The following TLR1 variants were observed in gnomAD, a reference collection of about 807,000 sequenced individuals.
TLR1 encodes the protein toll-like receptor 1.
Under a neutral mutation model 20.2 loss-of-function variants are expected in TLR1, and 19 were observed. That is an observed-to-expected ratio of 0.94 (90% CI 0.66 to 1.38). TLR1 has a LOEUF of 1.38. Ranked by LOEUF, TLR1 falls within the 40% of genes most tolerant of loss-of-function variation. TLR1 has a pLI of 0.00. For synonymous variants in TLR1, 320 were observed against 334.5 expected (o/e 0.96, Z 0.47); for missense variants, 921 against 910.0 (o/e 1.01, Z -0.16).
chr4:38,795,310 G>C (rs957070015), downstream of TLR1, among the ~76,000 whole-genome samples: 1 of 152,164 alleles, frequency 6.6e-6, no homozygotes, highest in Non-Finnish European at 1.5e-5. Context: ...GTTATGACAA[G>C]GTTTTTGTCA....
chr4:38,796,393 A>G lies in TLR1; in HGVS notation c.*78T>C. ...CACAATTGTGTTTACATCTATGCTG[A>G]TGCAAAATAAAGTCATTGTTGGAAC... On this transcript the variant is annotated 3_prime_UTR_variant, in exon 4 of 4. Coordinates refer to ENST00000308979, the MANE Select transcript of TLR1 (RefSeq NM_003263.4). 2 of 1,502,540 alleles carry G rather than the reference A, an allele frequency of 1.3e-6. No individual in the cohort carries two copies. Among genetic ancestry groups the G allele is most frequent in the Non-Finnish European group, 1.8e-6 (2 of 1,106,366 alleles). 93.1% of individuals were successfully genotyped at this position (1,502,540 alleles called of 1,614,324 possible). A position where few individuals can be genotyped will look rare whatever the true frequency, so the allele number is the denominator to read the frequency against.
At chr4:38,801,416 A>T (rs1360105725) in intron 2 of TLR1, among the ~76,000 whole-genome samples, 1 of 152,202 alleles carries the variant, frequency 6.6e-6, no homozygotes, top group African/African-American at 2.4e-5. Flanking sequence ...GTTGTTTATA[A>T]GTCACCCATT....
At chr4:38,789,805 T>G (rs574768374), downstream of TLR1, among the ~76,000 whole-genome samples, 1 of 152,318 alleles carries the variant, frequency 6.6e-6, no homozygotes, top group South Asian at 2.1e-4. Context: ...TGGCAGAGAT[T>G]TATATATGAA....
rs151036585 is a variant in TLR1 at position 38,797,019 on chromosome 4, C to T, written c.1813G>A (p.Asp605Asn). Residue 605 changes from aspartate (D) to asparagine (N), a missense_variant, in exon 4 of 4, where the codon GAT (aspartate) becomes AAT (asparagine). Coordinates refer to ENST00000308979, the MANE Select transcript of TLR1 (RefSeq NM_003263.4). ...VTVTSLCSYL[D>N]LPWYLRMVCQ... Reference sequence around the variant, plus strand: ...ACCATCCTGAGATACCAGGGCAGATCCAAGTAGCTGCAGAGGGAGGTCACA... The same window carrying T: ...ACCATCCTGAGATACCAGGGCAGATTCAAGTAGCTGCAGAGGGAGGTCACA... 3.7e-6 allele frequency: 6 copies of T among 1,614,036 alleles called. No homozygotes were observed. In the African/African-American group the frequency reaches 8.0e-5, roughly 22 times the overall value.
downstream of TLR1, among the ~76,000 whole-genome samples, chr4:38,791,806 C>A (rs762825722): frequency 2.0e-5 from 3 of 152,226 alleles, no homozygotes; most frequent in Non-Finnish European, 4.4e-5. Context: ...TATTAACTCA[C>A]TTAATCCTCG....
rs370650514 is a variant in TLR1 at position 38,797,592 on chromosome 4, C to A, written c.1240G>T (p.Glu414Ter). Reference protein sequence around the residue: ...DISQNSVSYDEKKGDCSWTKS... With the variant: ...DISQNSVSYD Reference sequence around the variant, plus strand: ...GTCCAAGAACAGTCTCCTTTCTTTTCATCATAGCTTACAGAATTCTGGCTA... The same window carrying A: ...GTCCAAGAACAGTCTCCTTTCTTTTAATCATAGCTTACAGAATTCTGGCTA... The change falls in exon 4 of 4, where the codon GAA (glutamate) becomes TAA (stop). Residue 414 changes from glutamate to a stop codon, truncating the protein, a stop_gained. Coordinates refer to ENST00000308979, the MANE Select transcript of TLR1 (RefSeq NM_003263.4). LOFTEE classifies it high-confidence loss of function. 6.2e-7 allele frequency: 1 copy of A among 1,613,620 alleles called. No homozygotes were observed. The highest frequency in any genetic ancestry group is 1.3e-5 in the African/African-American group (1 of 74,886).
In TLR1 at chr4:38,798,031, C is replaced by G. The variant is rs374742061; in HGVS notation, c.801G>C (p.Leu267=). 1 of 1,614,096 alleles carries G rather than the reference C, an allele frequency of 6.2e-7. No homozygotes were observed. The highest frequency in any genetic ancestry group is 1.7e-5 in the Admixed American group (1 of 59,996). The change falls in exon 4 of 4, where the codon CTG becomes CTC. Residue 267 remains leucine (L), a synonymous_variant. Transcript: ENST00000308979. ...TWNSFIRILQ[L]VWHTTVWYFS... is the part of the protein sequence containing the mutation. ...AATACCATACAGTTGTATGCCAAAC[C>G]AGCTGGAGGATCCTAATGAAAGAAT...
At chr4:38,800,113 A>G (rs1726533749) in intron 3 of TLR1, among the ~76,000 whole-genome samples, 1 of 152,208 alleles carries the variant, frequency 6.6e-6, no homozygotes, top group African/African-American at 2.4e-5. Context: ...TAGAAATCAA[A>G]ATGAAGTGAA....
In TLR1 at chr4:38,798,158, A is replaced by G. The variant is rs764644369; in HGVS notation, c.674T>C (p.Leu225Pro). The change falls in exon 4 of 4, where the codon CTA becomes CCA. Residue 225 changes from leucine to proline, a missense_variant. Transcript: ENST00000308979. ...GAAGTAAGAACATTTGTTATCTTCTAGCACACATTTGATATTAGATAGTTC... is the reference window on the plus strand; with the variant it reads ...GAAGTAAGAACATTTGTTATCTTCTGGCACACATTTGATATTAGATAGTTC... ...NLELSNIKCV[L>P]EDNKCSYFLS... 6.2e-7 allele frequency: 1 copy of G among 1,614,080 alleles called. No homozygotes were observed. The highest frequency in any genetic ancestry group is 2.2e-5 in the East Asian group (1 of 44,882).
At position 38,797,599 on chromosome 4, in the gene TLR1, G is replaced by A. The variant is rs753749282; in HGVS notation, c.1233C>T (p.Ser411=). ...QQLDISQNSV[S]YDEKKGDCSW... ...AACAGTCTCCTTTCTTTTCATCATA[G>A]CTTACAGAATTCTGGCTAATATCCA... is the stretch of plus-strand genomic sequence containing the variant. Residue 411 remains serine, a synonymous_variant, in exon 4 of 4, where the codon AGC becomes AGT. Transcript: ENST00000308979. The A allele has an allele frequency of 5.0e-6, 8 of 1,613,700 alleles. No homozygotes were observed. The Admixed American group carries it at 1.3e-4, about 27-fold the overall frequency.
chr4:38,803,641 A>G (rs1726828292), intron 2 of TLR1, among the ~76,000 whole-genome samples: 1 of 152,228 alleles, frequency 6.6e-6, no homozygotes, highest in Admixed American at 6.5e-5. Context: ...TTTGAATTTT[A>G]TATACCAAAC....
downstream of TLR1, among the ~76,000 whole-genome samples, chr4:38,793,242 G>A (rs992143408): frequency 2.6e-5 from 4 of 152,118 alleles, no homozygotes; most frequent in African/African-American, 9.7e-5. Context: ...TGTGAAAACT[G>A]TAGTTTGGGA....
At chr4:38,801,333 C>A (rs1268815496) in intron 2 of TLR1, among the ~76,000 whole-genome samples, 1 of 152,204 alleles carries the variant, frequency 6.6e-6, no homozygotes, top group Non-Finnish European at 1.5e-5. Context: ...CAGAAGAGGG[C>A]CTTCGCCAGA....
chr4:38,803,388 GT>G (rs1423998737), intron 2 of TLR1, among the ~76,000 whole-genome samples: 1 of 152,212 alleles, frequency 6.6e-6, no homozygotes, highest in African/African-American at 2.4e-5. Flanking sequence ...CAAGAATTAA[GT>G]TTCTACGACC....
chr4:38,802,047 A>G (rs1004417986), intron 2 of TLR1, among the ~76,000 whole-genome samples: 3 of 152,142 alleles, frequency 2.0e-5, no homozygotes, highest in African/African-American at 7.2e-5. Flanking sequence ...AAATACAAAA[A>G]TTAGCCGGGC....
downstream of TLR1, among the ~76,000 whole-genome samples, chr4:38,789,986 T>C (rs1037607031): frequency 6.6e-6 from 1 of 152,216 alleles, no homozygotes; most frequent in Non-Finnish European, 1.5e-5. Context: ...TTTTCAATGC[T>C]TCTATGATAA....
At position 38,798,307 on chromosome 4, in the gene TLR1, ATAAGTCTCTCC is replaced by A; in HGVS notation, c.514_524del (p.Gly172TrpfsTer7). ...GGCCCTCAGGGTCTTCTTTTTCCCCATAAGTCTCTCCTAAGACCAGCAAGACCTTGCTGATA... is the reference window on the plus strand; with the variant it reads ...GGCCCTCAGGGTCTTCTTTTTCCCCATAAGACCAGCAAGACCTTGCTGATA... On this transcript the variant is annotated frameshift_variant, in exon 4 of 4. Transcript: ENST00000308979. LOFTEE classifies it low-confidence loss of function (END_TRUNC). 1 of 1,613,364 alleles carries A rather than the reference ATAAGTCTCTCC, an allele frequency of 6.2e-7. No homozygotes were observed. Among genetic ancestry groups the A allele is most frequent in the South Asian group, 1.1e-5 (1 of 90,994 alleles).
At chr4:38,788,841 TA>T (rs1416161775), downstream of TLR1, among the ~76,000 whole-genome samples, 2 of 152,018 alleles carry the variant, frequency 1.3e-5, no homozygotes, top group Non-Finnish European at 2.9e-5. Context: ...ACCCCGTCTC[TA>T]CAAAAAAATT....
At chr4:38,805,400 A>T (rs1443516041), upstream of TLR1, 2 of 152,204 alleles carry the variant, frequency 1.3e-5, no homozygotes, top group African/African-American at 2.4e-5. Context: ...GTAAACCCTA[A>T]GTGAAAAATA....
Sources: gnomAD v4.1 joint callset for allele counts (sites outside exome capture counted in the v4.1 genomes callset) on GRCh38, gnomAD v4.1.1 for gene constraint, MANE v1.5 for transcripts, NCBI Gene and HGNC (gene_info 2026-07-23, HGNC 2026-07-21) for gene names.